RBP7: variants seen among roughly 807,000 people sequenced by gnomAD.
The protein encoded by RBP7 is retinoid-binding protein 7.
Under a neutral mutation model 16.7 loss-of-function variants are expected in RBP7, and 13 were observed. That is an observed-to-expected ratio of 0.78 (90% confidence interval 0.51 to 1.24). The LOEUF is 1.24. RBP7 is among the 50% of genes most tolerant of loss of function. The pLI is 0.00. For synonymous variants in RBP7, 54 were observed against 56.2 expected, an observed-to-expected ratio of 0.96 and a Z score of 0.17; for missense variants, 145 against 159.5, an observed-to-expected ratio of 0.91 and a Z score of 0.49.
rs371792583 is a variant in RBP7, at chr1:10,015,903, G to A, written c.*71G>A. ...AAATTATATTGCAGACTGAACAGACGTTTATCTATCCCATTTGGCGACGAG... is the reference window on the plus strand; with the variant it reads ...AAATTATATTGCAGACTGAACAGACATTTATCTATCCCATTTGGCGACGAG... On this transcript the variant is annotated 3_prime_UTR_variant, in exon 4 of 4. Transcript: ENST00000294435. 319 of 1,437,400 alleles carry A rather than the reference G, an allele frequency of 2.2e-4. 1 individual carries two copies. In the African/African-American group the frequency reaches 3.8e-3, roughly 17 times the overall value. 89.0% of individuals were successfully genotyped at this position (1,437,400 alleles called of 1,614,324 possible). A position where few individuals can be genotyped will look rare whatever the true frequency, so the allele number is the denominator to read the frequency against.
chr1:10,000,924 C>T (rs943620847), intron 1 of RBP7, among the ~76,000 whole-genome samples: 3 of 152,042 alleles, frequency 2.0e-5, no homozygotes, highest in Non-Finnish European at 1.5e-5. Flanking sequence ...TTAATAGAGA[C>T]GGAGTTTTAC....
At chr1:10,008,686 G>A (rs1291888438) in intron 3 of RBP7, among the ~76,000 whole-genome samples, 1 of 151,374 alleles carries the variant, frequency 6.6e-6, no homozygotes, top group African/African-American at 2.4e-5. Context: ...TGATCCACCC[G>A]CCTCGGCCTC....
chr1:10,010,811 C>T (rs1431496999), intron 3 of RBP7, among the ~76,000 whole-genome samples: 2 of 150,698 alleles, frequency 1.3e-5, no homozygotes, highest in African/African-American at 2.5e-5. Flanking sequence ...CTTGAACTCC[C>T]GACCTCAGGT....
At chr1:10,013,074 A>ATTTT (rs537432311) in intron 3 of RBP7, among the ~76,000 whole-genome samples, 24 of 137,590 alleles carry the variant, frequency 1.7e-4, no homozygotes, top group African/African-American at 5.9e-4. Flanking sequence ...ACTTACCATG[A>ATTTT]TTTTTTTTTT....
At chr1:10,013,424 G>A (rs567949828) in intron 3 of RBP7, among the ~76,000 whole-genome samples, 10 of 151,960 alleles carry the variant, frequency 6.6e-5, no homozygotes, top group South Asian at 2.1e-4. Context: ...GTTCACTTCC[G>A]TAATCCCAGC....
intron 3 of RBP7, among the ~76,000 whole-genome samples, chr1:10,009,706 A>G (rs1343605056): frequency 6.6e-6 from 1 of 150,888 alleles, no homozygotes; most frequent in Non-Finnish European, 1.5e-5. Flanking sequence ...TAGTTTTTGT[A>G]TTTTTAGCAG....
At position 10,007,692 on chromosome 1, in the gene RBP7, A is replaced by C; in HGVS notation, c.196A>C (p.Lys66Gln). ...CCTAAGGAACTACTTTGTGAAATTT[A>C]AAGTTGGAGAAGAATTTGATGAAGA... is the stretch of plus-strand genomic sequence containing the variant. ...SSLRNYFVKF[K>Q]VGEEFDEDNR... Residue 66 changes from lysine to glutamine, a missense_variant, in exon 2 of 4, where the codon AAA becomes CAA. Coordinates refer to ENST00000294435, the MANE Select transcript of RBP7 (RefSeq NM_052960.3). 6.2e-7 allele frequency: 1 copy of C among 1,614,018 alleles called. No homozygotes were observed. Among genetic ancestry groups the C allele is most frequent in the Non-Finnish European group, 8.5e-7 (1 of 1,180,004 alleles).
In RBP7 at chr1:10,008,273, T is replaced by C. The variant is rs779775745; in HGVS notation, c.353T>C (p.Leu118Pro). ...THWIEGDKLH[L>P]EMFCEGQVCK... ...TGGATCGAAGGAGACAAACTCCACCTGGTATCCACCACATTTTGTTCTTAA... is the reference window on the plus strand; with the variant it reads ...TGGATCGAAGGAGACAAACTCCACCCGGTATCCACCACATTTTGTTCTTAA... Residue 118 changes from leucine (L) to proline (P), a missense_variant and splice_region_variant, in exon 3 of 4, where the codon CTG (leucine) becomes CCG (proline). Physicochemically the swap from Leu to Pro is moderately conservative, Grantham distance 98 (BLOSUM62 -3). Coordinates refer to ENST00000294435, the MANE Select transcript of RBP7 (RefSeq NM_052960.3). The C allele has an allele frequency of 1.3e-6, 2 of 1,587,010 alleles. No homozygotes were observed. The highest frequency in any genetic ancestry group is 1.7e-6 in the Non-Finnish European group (2 of 1,155,808).
At chr1:10,003,071 C>G (rs1254267883) in intron 1 of RBP7, among the ~76,000 whole-genome samples, 1 of 152,170 alleles carries the variant, frequency 6.6e-6, no homozygotes, top group East Asian at 1.9e-4. Flanking sequence ...GTTAGCACCC[C>G]TTTCCATGGC....
At position 9,997,265 on chromosome 1, in the gene RBP7, G is replaced by A. The variant is rs775981100; in HGVS notation, c.7G>A (p.Ala3Thr). The change falls in exon 1 of 4, where the codon GCC (alanine) becomes ACC (threonine). Residue 3 changes from alanine (A) to threonine (T), a missense_variant. Physicochemically the swap from Ala to Thr is moderately conservative, Grantham distance 58. Coordinates refer to ENST00000294435, the MANE Select transcript of RBP7 (RefSeq NM_052960.3). The surrounding 1 kb of genome is among the most constrained non-coding windows in gnomAD (Gnocchi z 5.9). ...TGTCCCGCGATCCCCGACCATGCCC[G>A]CCGACCTCAGCGGTACTTGGACCCT... Reference protein sequence around the residue: MPADLSGTWTLLS... With the variant: MPTDLSGTWTLLS... The A allele has an allele frequency of 7.5e-6, 11 of 1,457,680 alleles. No homozygotes were observed. In the East Asian group the frequency reaches 9.7e-5, roughly 13 times the overall value. The allele number at this position is 1,457,680 out of a possible 1,614,324, so 90.3% of individuals were successfully genotyped here. A position where few individuals can be genotyped will look rare whatever the true frequency, so the allele number is the denominator to read the frequency against.
At position 9,997,364 on chromosome 1, in the gene RBP7, G is replaced by T. The variant is rs112770895; in HGVS notation, c.73+33G>T. 1.9e-6 allele frequency: 3 copies of T among 1,599,684 alleles called. No homozygotes were observed. Among genetic ancestry groups the T allele is most frequent in the Non-Finnish European group, 2.6e-6 (3 of 1,170,960 alleles). On this transcript the variant is annotated intron_variant, in intron 1 of 3. Transcript: ENST00000294435. The surrounding 1 kb of genome is among the most constrained non-coding windows in gnomAD (Gnocchi z 5.9). ...GGAGGGGAGGCGGCGGCGGCGCGAG[G>T]CTCGCCGTGGGTCTCGGGATCAGGC...
chr1:10,003,848 C>T (rs1183561483), intron 1 of RBP7, among the ~76,000 whole-genome samples: 3 of 152,048 alleles, frequency 2.0e-5, no homozygotes, highest in Non-Finnish European at 2.9e-5. Context: ...CTCCACCTCC[C>T]GGGTTCAAGA....
intron 1 of RBP7, among the ~76,000 whole-genome samples, chr1:9,999,890 G>T (rs895953480): frequency 4.8e-5 from 7 of 146,150 alleles, no homozygotes; most frequent in Admixed American, 1.4e-4. Flanking sequence ...CGATCTCGGT[G>T]TGAGCCACTG....
chr1:9,999,869 G>T (rs1642232867), intron 1 of RBP7, among the ~76,000 whole-genome samples: 1 of 141,528 alleles, frequency 7.1e-6, no homozygotes, highest in Non-Finnish European at 1.5e-5. Flanking sequence ...CTAGGCTGGA[G>T]TGCAGTGGCG....
At chr1:10,001,440 G>A (rs1642275754) in intron 1 of RBP7, among the ~76,000 whole-genome samples, 2 of 152,110 alleles carry the variant, frequency 1.3e-5, no homozygotes. Flanking sequence ...CAAGTAGCTG[G>A]GACAACAGGT....
At chr1:10,006,432 C>T (rs1198402948) in intron 1 of RBP7, among the ~76,000 whole-genome samples, 1 of 152,032 alleles carries the variant, frequency 6.6e-6, no homozygotes, top group East Asian at 1.9e-4. Flanking sequence ...ATCACTTGAG[C>T]CTGAAAGGTT....
intron 3 of RBP7, among the ~76,000 whole-genome samples, chr1:10,012,325 G>C (rs1339667145): frequency 1.3e-5 from 2 of 151,592 alleles, no homozygotes; most frequent in Non-Finnish European, 2.9e-5. Flanking sequence ...AGGTTGCAGT[G>C]AGCCAAGATC....
At chr1:10,008,107 A>G (rs1016217586) in intron 2 of RBP7, 66 bp from the exon 3 acceptor site, 4 of 1,070,076 alleles carry the variant, frequency 3.7e-6, no homozygotes, top group Non-Finnish European at 5.7e-6. Flanking sequence ...GTAACTTGGC[A>G]TTCTACTTCG....
In RBP7 at chr1:10,015,789, T is replaced by G; in HGVS notation, c.362T>G (p.Phe121Cys). The G allele has an allele frequency of 1.9e-6, 3 of 1,614,098 alleles. No homozygotes were observed. The highest frequency in any genetic ancestry group is 2.5e-6 in the Non-Finnish European group (3 of 1,179,948). Residue 121 changes from phenylalanine to cysteine, a missense_variant, in exon 4 of 4, where the codon TTC becomes TGC. Coordinates refer to ENST00000294435, the MANE Select transcript of RBP7 (RefSeq NM_052960.3). ...IEGDKLHLEM[F>C]CEGQVCKQTF... ...TTCCTCCTTACGCCCTAGGAAATGTTCTGTGAAGGTCAAGTGTGCAAACAG... is the reference window on the plus strand; with the variant it reads ...TTCCTCCTTACGCCCTAGGAAATGTGCTGTGAAGGTCAAGTGTGCAAACAG...
Sources: gnomAD v4.1 joint callset for allele counts (sites outside exome capture counted in the v4.1 genomes callset) on GRCh38, gnomAD v4.1.1 for gene constraint, Gnocchi (gnomAD v3.1) non-coding constraint, MANE v1.5 for transcripts, NCBI Gene and HGNC (gene_info 2026-07-23, HGNC 2026-07-21) for gene names.